Variants in RUNX2 observed in about 807,000 individuals in gnomAD.
RUNX2 encodes the protein runt-related transcription factor 2.
In RUNX2, 10 loss-of-function variants were observed where a neutral mutation model predicts 51.7. That is an observed-to-expected ratio of 0.19 (90% CI 0.12 to 0.33). RUNX2 has a LOEUF of 0.33. Ranked by LOEUF, RUNX2 falls within the 10% of genes least tolerant of loss-of-function variation. The pLI is 1.00. For synonymous variants in RUNX2, 276 were observed against 273.6 expected (o/e 1.01, Z -0.09); for missense variants, 562 against 691.3 (o/e 0.81, Z 2.10).
At chr6:45,396,829 A>G (rs1375837043) in intron 2 of RUNX2, among the ~76,000 whole-genome samples, 3 of 151,776 alleles carry the variant, frequency 2.0e-5, no homozygotes, top group South Asian at 4.1e-4. Flanking sequence ...TGTAACATGT[A>G]TCAGTATTTT....
At chr6:45,466,130 A>G (rs1799623791) in intron 5 of RUNX2, among the ~76,000 whole-genome samples, 1 of 152,012 alleles carries the variant, frequency 6.6e-6, no homozygotes, top group South Asian at 2.1e-4. Flanking sequence ...CCTGGCCAAC[A>G]TGGTGAAATC....
intron 3 of RUNX2, among the ~76,000 whole-genome samples, chr6:45,427,401 T>G (rs2224118): frequency 0.48 from 72,423 of 151,832 alleles, 17,535 homozygotes; most frequent in South Asian, 0.61. Flanking sequence ...GACATATATA[T>G]TTTTAAAATT....
chr6:45,365,887 A>G (rs1312926663), intron 2 of RUNX2, among the ~76,000 whole-genome samples: 2 of 141,664 alleles, frequency 1.4e-5, no homozygotes, highest in East Asian at 4.0e-4. Context: ...AAAGCATTAT[A>G]TTTTATAATC....
At chr6:45,452,014 A>C (rs1799188028) in intron 5 of RUNX2, among the ~76,000 whole-genome samples, 1 of 152,244 alleles carries the variant, frequency 6.6e-6, no homozygotes, top group Admixed American at 6.5e-5. Context: ...CAGATCTGCC[A>C]TATGATCAAA....
At chr6:45,542,316 T>A (rs1802255093) in intron 7 of RUNX2, among the ~76,000 whole-genome samples, 1 of 152,228 alleles carries the variant, frequency 6.6e-6, no homozygotes, top group Admixed American at 6.5e-5. Flanking sequence ...TCCATGGAAA[T>A]GTTATTAATA....
intron 2 of RUNX2, among the ~76,000 whole-genome samples, chr6:45,365,730 A>G (rs1795022453): frequency 6.7e-6 from 1 of 150,040 alleles, no homozygotes; most frequent in South Asian, 2.1e-4. Flanking sequence ...TGATTTTTCT[A>G]GTTGATATAT....
intron 2 of RUNX2, among the ~76,000 whole-genome samples, chr6:45,399,036 A>G (rs949434475): frequency 6.6e-6 from 1 of 152,188 alleles, no homozygotes; most frequent in African/African-American, 2.4e-5. Flanking sequence ...AGGGATAAAA[A>G]AATCATTGAG....
intron 2 of RUNX2, among the ~76,000 whole-genome samples, chr6:45,402,710 T>A (rs1010907015): frequency 1.3e-5 from 2 of 151,828 alleles, no homozygotes; most frequent in African/African-American, 4.8e-5. Context: ...CTACAAAAAA[T>A]AAAACAAAAA....
At chr6:45,521,404 T>C (rs1345457952) in intron 7 of RUNX2, among the ~76,000 whole-genome samples, 1 of 152,232 alleles carries the variant, frequency 6.6e-6, no homozygotes, top group African/African-American at 2.4e-5. Context: ...ATCAAGACTG[T>C]ATCTGTTTCC....
intron 2 of RUNX2, among the ~76,000 whole-genome samples, chr6:45,376,728 A>C (rs753591389): frequency 5.3e-5 from 8 of 152,208 alleles, no homozygotes; most frequent in Non-Finnish European, 8.8e-5. Context: ...CCTCTTTGAA[A>C]CATTCACCAG....
At position 45,529,874 on chromosome 6, in the gene RUNX2, C is replaced by T. The variant is rs1224565179; in HGVS notation, c.1022-15343C>T. Among the ~76,000 whole-genome samples the T allele has an allele frequency of 2.0e-5, 3 of 152,154 alleles. No individual in the cohort carries two copies. In the East Asian group the frequency reaches 5.8e-4, roughly 29 times the overall value. On this transcript the variant is annotated intron_variant, in intron 7 of 8. Transcript: ENST00000647337. ...ATTCCCCTCCTCTTCAGATGAGTGG[C>T]TGGACTTGCTTATACTAATGCCCTC...
At chr6:45,385,080 G>A (rs1352718312) in intron 2 of RUNX2, among the ~76,000 whole-genome samples, 1 of 152,138 alleles carries the variant, frequency 6.6e-6, no homozygotes, top group Non-Finnish European at 1.5e-5. Context: ...GACGTAGTAA[G>A]TACACTATTT....
chr6:45,409,332 T>G (rs1010259286), intron 2 of RUNX2, among the ~76,000 whole-genome samples: 45 of 152,208 alleles, frequency 3.0e-4, no homozygotes, highest in Admixed American at 3.9e-4. Context: ...CCTTTTTAAC[T>G]AACTCACTAT....
intron 5 of RUNX2, among the ~76,000 whole-genome samples, chr6:45,454,322 T>C (rs191573765): frequency 7.8e-4 from 119 of 152,248 alleles, no homozygotes; most frequent in Non-Finnish European, 1.4e-3. Context: ...GAAATATAAA[T>C]AAATAAAAAT....
At chr6:45,478,687 G>A (rs1800027780) in intron 5 of RUNX2, among the ~76,000 whole-genome samples, 1 of 152,046 alleles carries the variant, frequency 6.6e-6, no homozygotes, top group Non-Finnish European at 1.5e-5. Flanking sequence ...ATAGTGACAG[G>A]TGAGGAATCC....
At chr6:45,481,405 G>A (rs533752879) in intron 5 of RUNX2, among the ~76,000 whole-genome samples, 1 of 152,240 alleles carries the variant, frequency 6.6e-6, no homozygotes, top group African/African-American at 2.4e-5. Flanking sequence ...ATAAGTGCTC[G>A]AAACACAAAG....
intron 4 of RUNX2, among the ~76,000 whole-genome samples, chr6:45,436,655 G>A (rs1798694422): frequency 6.6e-6 from 1 of 152,144 alleles, no homozygotes; most frequent in African/African-American, 2.4e-5. Context: ...ACAGATTTTA[G>A]GAACTTACAT....
chr6:45,354,702 GAAA>G (rs199898844), intron 2 of RUNX2, among the ~76,000 whole-genome samples: 2 of 150,826 alleles, frequency 1.3e-5, no homozygotes, highest in Non-Finnish European at 3.0e-5. Flanking sequence ...TTTAAAAAAA[GAAA>G]AAAAAAGTTT....
At chr6:45,417,369 A>G (rs1798086178) in intron 2 of RUNX2, among the ~76,000 whole-genome samples, 1 of 152,174 alleles carries the variant, frequency 6.6e-6, no homozygotes, top group Non-Finnish European at 1.5e-5. Context: ...GTGTAAGAAA[A>G]TTGTTCTTAA....
Sources: gnomAD v4.1 joint callset for allele counts (sites outside exome capture counted in the v4.1 genomes callset) on GRCh38, gnomAD v4.1.1 for gene constraint, MANE v1.5 for transcripts, NCBI Gene and HGNC (gene_info 2026-07-23, HGNC 2026-07-21) for gene names.